SLC35D4: variants seen among roughly 807,000 people sequenced by gnomAD.
SLC35D4 encodes the protein solute carrier family 35 member D4, also known as UDP-N-acetylglucosamine transporter SLC35D4.
the SLC35D4 span, among the ~76,000 whole-genome samples, chr18:23,334,562 T>A: frequency 6.6e-6 from 1 of 152,252 alleles, no homozygotes; most frequent in African/African-American, 2.4e-5. Context: ...TTTGGAGTCC[T>A]ATAAACAAGC....
chr18:23,287,202 A>C, the SLC35D4 span, among the ~76,000 whole-genome samples: 4 of 152,304 alleles, frequency 2.6e-5, no homozygotes, highest in Middle Eastern at 6.8e-3. Context: ...TGACTTATCA[A>C]CCAAATTGTT....
chr18:23,414,502 G>A, the SLC35D4 span, among the ~76,000 whole-genome samples: 142,493 of 151,762 alleles, frequency 0.94, 66,951 homozygotes, highest in African/African-American at 0.95. Flanking sequence ...GCGAAATCTC[G>A]TCTCTTCTAA....
chr18:23,349,626 G>A, the SLC35D4 span, among the ~76,000 whole-genome samples: 1 of 152,190 alleles, frequency 6.6e-6, no homozygotes, highest in Non-Finnish European at 1.5e-5. Context: ...GCGAGACTAC[G>A]TCTCAAAAAA....
the SLC35D4 span, among the ~76,000 whole-genome samples, chr18:23,288,017 C>A: frequency 6.6e-6 from 1 of 152,206 alleles, no homozygotes; most frequent in Non-Finnish European, 1.5e-5. Flanking sequence ...TTCCTCACAC[C>A]TGAAGCATAT....
At chr18:23,413,167 C>A in the SLC35D4 span, among the ~76,000 whole-genome samples, 2 of 152,212 alleles carry the variant, frequency 1.3e-5, no homozygotes, top group Admixed American at 6.5e-5. Context: ...CCGTGCCCAG[C>A]CTCAAGCTCC....
At chr18:23,286,668 G>T in the SLC35D4 span, among the ~76,000 whole-genome samples, 1,379 of 151,814 alleles carry the variant, frequency 9.1e-3, 14 homozygotes, top group African/African-American at 0.031. Flanking sequence ...CTTTTCAAGG[G>T]CCTGTTTCCC....
chr18:23,304,072 C>A, the SLC35D4 span, among the ~76,000 whole-genome samples: 350 of 119,890 alleles, frequency 2.9e-3, 5 homozygotes, highest in Middle Eastern at 0.028. Context: ...AAAAAAAAAT[C>A]ATCCTGGCTA....
At chr18:23,337,239 C>T in the SLC35D4 span, among the ~76,000 whole-genome samples, 2 of 151,958 alleles carry the variant, frequency 1.3e-5, no homozygotes, top group East Asian at 3.9e-4. Flanking sequence ...TTTGGGAGGC[C>T]GAGGCAGGCG....
the SLC35D4 span, among the ~76,000 whole-genome samples, chr18:23,266,828 G>A: frequency 2.6e-5 from 4 of 152,330 alleles, no homozygotes; most frequent in African/African-American, 4.8e-5. Flanking sequence ...CCCCCTCAGC[G>A]GCACCCGCCC....
At chr18:23,290,452 G>C in the SLC35D4 span, among the ~76,000 whole-genome samples, 13 of 152,178 alleles carry the variant, frequency 8.5e-5, no homozygotes, top group African/African-American at 3.1e-4. Context: ...ACAGCCCAGA[G>C]AGGTCCTCAG....
the SLC35D4 span, among the ~76,000 whole-genome samples, chr18:23,249,241 G>A: frequency 6.6e-6 from 1 of 152,252 alleles, no homozygotes; most frequent in Admixed American, 6.5e-5. Flanking sequence ...AGTCAGGGAA[G>A]TGTAACTGTT....
At chr18:23,321,295 T>C in the SLC35D4 span, among the ~76,000 whole-genome samples, 2 of 152,214 alleles carry the variant, frequency 1.3e-5, no homozygotes, top group Non-Finnish European at 2.9e-5. Flanking sequence ...GTTGAGATAC[T>C]GGCCTGTCAC....
chr18:23,340,353 G>A, the SLC35D4 span, among the ~76,000 whole-genome samples: 3 of 151,900 alleles, frequency 2.0e-5, no homozygotes, highest in East Asian at 5.8e-4. Context: ...ACAAAATCAA[G>A]TATATCTTAA....
the SLC35D4 span, among the ~76,000 whole-genome samples, chr18:23,385,228 T>C: frequency 1.3e-5 from 2 of 152,366 alleles, no homozygotes; most frequent in South Asian, 2.1e-4. Flanking sequence ...CGCTCTTTGC[T>C]GCAGTATTTC....
the SLC35D4 span, among the ~76,000 whole-genome samples, chr18:23,250,083 G>A: frequency 1.3e-5 from 2 of 152,208 alleles, no homozygotes; most frequent in Non-Finnish European, 2.9e-5. Flanking sequence ...CAAATAAGAT[G>A]GAGCAAAGCA....
the SLC35D4 span, among the ~76,000 whole-genome samples, chr18:23,371,945 T>TGTTTTTTTTTTG: frequency 0.4 from 29,099 of 73,284 alleles, 6,413 homozygotes; most frequent in East Asian, 0.5. Context: ...GTTTTTTTTT[T>TGTTTTTTTTTTG]TTTTTTTTGA....
At chr18:23,394,999 A>AC in the SLC35D4 span, among the ~76,000 whole-genome samples, 1 of 151,860 alleles carries the variant, frequency 6.6e-6, no homozygotes, top group East Asian at 1.9e-4. Flanking sequence ...AAAAAAAAAA[A>AC]AAAAAGCCAT....
the SLC35D4 span, chr18:23,376,780 G>A: frequency 2.2e-6 from 1 of 456,034 alleles, no homozygotes; most frequent in Non-Finnish European, 4.4e-6. Context: ...ATACCCAAGG[G>A]TGAGACACCT....
chr18:23,286,146 A>G, the SLC35D4 span, among the ~76,000 whole-genome samples: 2 of 152,328 alleles, frequency 1.3e-5, no homozygotes, highest in African/African-American at 4.8e-5. Context: ...CTCGCCTTCA[A>G]GTGTACAATA....
Sources: allele counts gnomAD v4.1 joint callset (sites outside exome capture counted in the v4.1 genomes callset), GRCh38; gene constraint gnomAD v4.1.1; transcripts MANE v1.5; gene names NCBI Gene and HGNC (gene_info 2026-07-23, HGNC 2026-07-21).